SPIDR: variants seen among roughly 807,000 people sequenced by gnomAD.
SPIDR encodes the protein scaffold protein involved in DNA repair.
Under a neutral mutation model 104.6 loss-of-function variants are expected in SPIDR, and 93 were observed. The observed-to-expected ratio is 0.89, with a 90% confidence interval of 0.75 to 1.06. SPIDR has a LOEUF of 1.06. Among genes scored for constraint, SPIDR ranks in the 50% least tolerant of loss-of-function variants. SPIDR has a pLI of 0.00. For synonymous variants in SPIDR, 431 were observed against 416.9 expected (o/e 1.03, Z -0.41); for missense variants, 1,154 against 1,111.2 (o/e 1.04, Z -0.55).
At chr8:47,446,416 A>T (rs1434413649) in intron 8 of SPIDR, among the ~76,000 whole-genome samples, 2 of 152,168 alleles carry the variant, frequency 1.3e-5, no homozygotes, top group African/African-American at 4.8e-5. Flanking sequence ...CTTTTAAAAT[A>T]CTACCCCTCA....
chr8:47,320,334 A>C (rs190911793), intron 5 of SPIDR, among the ~76,000 whole-genome samples: 2 of 152,340 alleles, frequency 1.3e-5, no homozygotes, highest in Non-Finnish European at 2.9e-5. Flanking sequence ...ACGCAAATAA[A>C]CTAGAAAATC....
intron 8 of SPIDR, among the ~76,000 whole-genome samples, chr8:47,580,326 T>A (rs549262237): frequency 3.9e-5 from 6 of 152,182 alleles, no homozygotes; most frequent in Non-Finnish European, 8.8e-5. Context: ...TAATTCACAG[T>A]AGTGACAGCA....
chr8:47,347,815 C>T (rs910086408), intron 5 of SPIDR, among the ~76,000 whole-genome samples: 11 of 152,044 alleles, frequency 7.2e-5, no homozygotes, highest in Admixed American at 2.6e-4. Flanking sequence ...GATCTTCCTC[C>T]GTTCCTTTGT....
chr8:47,526,438 A>C (rs2084997539), intron 8 of SPIDR, among the ~76,000 whole-genome samples: 1 of 152,252 alleles, frequency 6.6e-6, no homozygotes, highest in Non-Finnish European at 1.5e-5. Context: ...CACAGGGAGC[A>C]AAATCTAGTC....
chr8:47,552,937 C>T (rs917754622), intron 8 of SPIDR, among the ~76,000 whole-genome samples: 4 of 152,154 alleles, frequency 2.6e-5, no homozygotes, highest in African/African-American at 9.7e-5. Flanking sequence ...CCTTCAGGAG[C>T]TCTTGCATGG....
intron 5 of SPIDR, among the ~76,000 whole-genome samples, chr8:47,308,751 G>C (rs1424087091): frequency 6.6e-6 from 1 of 152,158 alleles, no homozygotes; most frequent in Non-Finnish European, 1.5e-5. Context: ...AGTGATCAGG[G>C]CACACATGCC....
At chr8:47,455,703 C>G (rs782002316) in intron 8 of SPIDR, among the ~76,000 whole-genome samples, 4 of 152,038 alleles carry the variant, frequency 2.6e-5, no homozygotes, top group Non-Finnish European at 5.9e-5. Flanking sequence ...ACAGGGGTGA[C>G]TATATTATTA....
chr8:47,494,955 T>TA (rs2079221363), intron 8 of SPIDR, among the ~76,000 whole-genome samples: 1 of 152,206 alleles, frequency 6.6e-6, no homozygotes, highest in Admixed American at 6.5e-5. Context: ...GGAAGTGGTA[T>TA]AGGGCTACAG....
intron 1 of SPIDR, among the ~76,000 whole-genome samples, chr8:47,274,595 C>T (rs1380428300): frequency 3.3e-5 from 5 of 149,802 alleles, no homozygotes; most frequent in African/African-American, 9.8e-5. Context: ...TTTTTTTTCC[C>T]GAGATGGAGT....
intron 8 of SPIDR, among the ~76,000 whole-genome samples, chr8:47,531,712 C>T (rs930761937): frequency 1.3e-5 from 2 of 152,126 alleles, no homozygotes; most frequent in Non-Finnish European, 2.9e-5. Flanking sequence ...TGTTCCAGTT[C>T]CAAGAAAGTC....
intron 8 of SPIDR, among the ~76,000 whole-genome samples, chr8:47,477,205 AT>A (rs558143785): frequency 5.4e-4 from 80 of 147,414 alleles, no homozygotes; most frequent in Middle Eastern, 3.4e-3. Flanking sequence ...TGCGCAATAT[AT>A]TTTTTTTTTT....
At chr8:47,405,426 A>C (rs1192838326) in intron 6 of SPIDR, among the ~76,000 whole-genome samples, 1 of 152,066 alleles carries the variant, frequency 6.6e-6, no homozygotes, top group African/African-American at 2.4e-5. Context: ...CAAAATTTTA[A>C]AATATTGTAT....
At chr8:47,395,992 A>G (rs782354056) in intron 5 of SPIDR, among the ~76,000 whole-genome samples, 16 of 152,230 alleles carry the variant, frequency 1.1e-4, no homozygotes, top group Admixed American at 9.2e-4. Context: ...AAAATCCAAG[A>G]AATACTTTCT....
intron 8 of SPIDR, among the ~76,000 whole-genome samples, chr8:47,503,768 G>T (rs937709667): frequency 3.3e-5 from 5 of 152,148 alleles, no homozygotes; most frequent in Admixed American, 2.6e-4. Context: ...TGCAGTGGCT[G>T]GTACCGGTTG....
chr8:47,321,842 G>T lies in SPIDR; in HGVS notation c.525+27812G>T, dbSNP rs1021688691. 2.6e-5 allele frequency among the ~76,000 whole-genome samples: 4 copies of T among 152,140 alleles called. No homozygotes were observed. In the East Asian group the frequency reaches 7.7e-4, roughly 29 times the overall value. ...CAAACCTGACAAAAACAAGAAATGG[G>T]AAAACGATTCCCTATTTAATAAATG... On this transcript the variant is annotated intron_variant, in intron 5 of 19. Coordinates refer to ENST00000297423, the MANE Select transcript of SPIDR (RefSeq NM_001080394.4).
intron 5 of SPIDR, among the ~76,000 whole-genome samples, chr8:47,395,192 T>C (rs1554657556): frequency 6.6e-6 from 1 of 151,916 alleles, no homozygotes; most frequent in Non-Finnish European, 1.5e-5. Context: ...CTACTAAATG[T>C]ACAAAAATTA....
intron 3 of SPIDR, among the ~76,000 whole-genome samples, chr8:47,288,968 G>A (rs1298429980): frequency 6.6e-6 from 1 of 151,978 alleles, no homozygotes; most frequent in Non-Finnish European, 1.5e-5. Context: ...CATGATTAGT[G>A]TTTCTTCCAG....
intron 8 of SPIDR, among the ~76,000 whole-genome samples, chr8:47,577,694 A>G (rs756898012): frequency 5.9e-5 from 9 of 152,186 alleles, no homozygotes; most frequent in Non-Finnish European, 1.3e-4. Context: ...ACTTAAGTAA[A>G]ATTAGGTAGA....
chr8:47,486,908 A>G (rs961046616), intron 8 of SPIDR, among the ~76,000 whole-genome samples: 1 of 152,244 alleles, frequency 6.6e-6, no homozygotes, highest in Admixed American at 6.5e-5. Context: ...GCCAAATTGT[A>G]AAGACCATCA....
Sources: allele counts gnomAD v4.1 joint callset (sites outside exome capture counted in the v4.1 genomes callset), GRCh38; gene constraint gnomAD v4.1.1; transcripts MANE v1.5; gene names NCBI Gene and HGNC (gene_info 2026-07-23, HGNC 2026-07-21).